The following SACS variants were observed in gnomAD, a reference collection of about 807,000 sequenced individuals.
SACS encodes sacsin.
A neutral mutation model predicts 348.0 loss-of-function variants in SACS; 197 were observed. The ratio of observed to expected loss-of-function variants is 0.57; its 90% CI spans 0.50 to 0.64. The LOEUF (loss-of-function observed/expected upper bound fraction) is 0.64. Ranked by LOEUF, SACS falls within the 30% of genes least tolerant of loss-of-function variation. The probability of loss-of-function intolerance (pLI) is 0.00; values close to 1 mark genes in which losing one functional copy is unlikely to be tolerated. For missense variants in SACS, 4,999 were observed against 5,360.8 expected (o/e 0.93, Z 2.11); for synonymous variants, 1,985 against 1,910.6 (o/e 1.04, Z -1.02).
At chr13:23,386,992 T>C (rs534050940) in intron 2 of SACS, among the ~76,000 whole-genome samples, 2 of 152,270 alleles carry the variant, frequency 1.3e-5, no homozygotes, top group South Asian at 4.1e-4. Flanking sequence ...AGTGACACCA[T>C]AGATTAGTAA....
chr13:23,417,134 G>T (rs1873719660), intron 1 of SACS, among the ~76,000 whole-genome samples: 1 of 152,138 alleles, frequency 6.6e-6, no homozygotes, highest in African/African-American at 2.4e-5. Flanking sequence ...TAATTATAAT[G>T]AAAGAACTTA....
At position 23,390,790 on chromosome 13, in the gene SACS, T is replaced by C. The variant is rs189937470; in HGVS notation, c.21-15521A>G. 2.3e-3 allele frequency among the ~76,000 whole-genome samples: 351 copies of C among 152,364 alleles called. 1 individual carries two copies. Among genetic ancestry groups the C allele is most frequent in the Non-Finnish European group, 3.6e-3 (243 of 68,038 alleles). ...TTTCAGTGAAGGCAGCCATCCCTCGTCGTGTCTAAAGAGCACTGATTCCAG... is the reference window on the plus strand; with the variant it reads ...TTTCAGTGAAGGCAGCCATCCCTCGCCGTGTCTAAAGAGCACTGATTCCAG... On this transcript the variant is annotated intron_variant, in intron 2 of 9. Transcript: ENST00000382292.
At chr13:23,358,562 A>T in intron 6 of SACS, 81 bp from the exon 7 acceptor site, 1 of 1,471,762 alleles carries the variant, frequency 6.8e-7, no homozygotes, top group Admixed American at 1.7e-5. Context: ...CTCTATACAA[A>T]ATCTCTTATT....
chr13:23,419,904 A>C (rs1873852829), intron 1 of SACS, among the ~76,000 whole-genome samples: 1 of 152,208 alleles, frequency 6.6e-6, no homozygotes, highest in Non-Finnish European at 1.5e-5. Context: ...CTAGGGACGC[A>C]GTATCCACCT....
intron 6 of SACS, 93 bp from the exon 7 acceptor site, chr13:23,358,574 G>A (rs1160670624): frequency 1.8e-5 from 25 of 1,387,492 alleles, no homozygotes; most frequent in African/African-American, 2.8e-5. Flanking sequence ...TCTCTTATTC[G>A]AAGGGAAAAT....
chr13:23,379,198 G>T (rs1401066972), intron 2 of SACS, among the ~76,000 whole-genome samples: 1 of 152,220 alleles, frequency 6.6e-6, no homozygotes, highest in East Asian at 1.9e-4. Context: ...TTTCTCACCT[G>T]TACAGCTGGA....
intron 9 of SACS, among the ~76,000 whole-genome samples, chr13:23,351,812 C>G (rs1672975075): frequency 6.6e-6 from 1 of 152,062 alleles, no homozygotes; most frequent in Non-Finnish European, 1.5e-5. Context: ...TTAACAGAAA[C>G]ACTAGATGAA....
intron 4 of SACS, among the ~76,000 whole-genome samples, chr13:23,370,536 C>A (rs1420167111): frequency 6.6e-6 from 1 of 152,162 alleles, no homozygotes; most frequent in Non-Finnish European, 1.5e-5. Flanking sequence ...TATTCATGGG[C>A]CCTGTACTGT....
intron 4 of SACS, among the ~76,000 whole-genome samples, chr13:23,368,900 C>G (rs7982679): frequency 6.6e-6 from 1 of 152,112 alleles, no homozygotes; most frequent in South Asian, 2.1e-4. Flanking sequence ...GGGGTTTCAC[C>G]ATGTTAGCCA....
Position 23,409,040 on chromosome 13 carries a change from C to CTTTTTTTTTTTTTTTTTTTTTTTTTTTT in SACS, c.20+2152_20+2179dup, listed in dbSNP as rs1175897856. Among the ~76,000 whole-genome samples the CTTTTTTTTTTTTTTTTTTTTTTTTTTTT allele has an allele frequency of 4.0e-4, 14 of 35,148 alleles. 5 individuals carry two copies. Among genetic ancestry groups the CTTTTTTTTTTTTTTTTTTTTTTTTTTTT allele is most frequent in the Admixed American group, 1.2e-3 (2 of 1,664 alleles). 23.1% of individuals were successfully genotyped at this position (35,148 alleles called of 152,430 possible). On this transcript the variant is annotated intron_variant, in intron 2 of 9. Coordinates refer to ENST00000382292, the MANE Select transcript of SACS (RefSeq NM_014363.6). ...TATGGTCTTAATAAAACAAGTTTTA[C>CTTTTTTTTTTTTTTTTTTTTTTTTTTTT]TTTTTTTTTTTTTTTTTTTTTTTTT...
chr13:23,371,165 A>G lies in SACS; in HGVS notation c.172T>C (p.Leu58=). The change falls in exon 4 of 10, where the codon TTA becomes CTA. Residue 58 remains leucine, a splice_region_variant and synonymous_variant. Transcript: ENST00000382292. ...TCTCCAATCTTGATCCAGTCAGATAACTGAAAAAAAGCAAAAGAAAATGTA... is the reference window on the plus strand; with the variant it reads ...TCTCCAATCTTGATCCAGTCAGATAGCTGAAAAAAAGCAAAAGAAAATGTA... The part of the protein sequence containing the change: ...EQRLWRGGRE[L]SDWIKIGDLT... The G allele has an allele frequency of 6.2e-7, 1 of 1,602,652 alleles. No individual in the cohort carries two copies. Among genetic ancestry groups the G allele is most frequent in the Non-Finnish European group, 8.5e-7 (1 of 1,171,400 alleles).
At position 23,332,605 on chromosome 13, in the gene SACS, G is replaced by A; in HGVS notation, c.11271C>T (p.Asn3757=). 1.2e-6 allele frequency: 2 copies of A among 1,613,580 alleles called. No individual in the cohort carries two copies. Among genetic ancestry groups the A allele is most frequent in the Non-Finnish European group, 1.7e-6 (2 of 1,179,888 alleles). ...CCATTTCTTCATCCAACGTCGTTATGTTGCATATGTTTCTGCAGTTATTGA... is the reference window on the plus strand; with the variant it reads ...CCATTTCTTCATCCAACGTCGTTATATTGCATATGTTTCTGCAGTTATTGA... ...KVINNCRNIC[N]ITTLDEEMVK... The change falls in exon 10 of 10, where the codon AAC becomes AAT. Residue 3757 remains asparagine, a synonymous_variant. Coordinates refer to ENST00000382292, the MANE Select transcript of SACS (RefSeq NM_014363.6).
At chr13:23,375,646 GC>G (rs1438444480) in intron 2 of SACS, 5 of 793,166 alleles carry the variant, frequency 6.3e-6, no homozygotes, top group African/African-American at 2.2e-5. Context: ...GATCCGCCCC[GC>G]CCCTCCCGCC....
intron 2 of SACS, among the ~76,000 whole-genome samples, chr13:23,398,214 T>A (rs1872787173): frequency 6.7e-6 from 1 of 148,840 alleles, no homozygotes; most frequent in African/African-American, 2.5e-5. Flanking sequence ...AAAATTAAAT[T>A]AAATTTTAAA....
At chr13:23,366,094 C>T (rs1221257876) in intron 5 of SACS, among the ~76,000 whole-genome samples, 1 of 152,114 alleles carries the variant, frequency 6.6e-6, no homozygotes, top group African/African-American at 2.4e-5. Flanking sequence ...CCATGATCAT[C>T]AAAAGAGCTT....
chr13:23,331,190 A>G lies in SACS; in HGVS notation c.12686T>C (p.Ile4229Thr), dbSNP rs770368952. The change falls in exon 10 of 10, where the codon ATT becomes ACT. Residue 4229 changes from isoleucine to threonine, a missense_variant. This residue lies in a region of SACS where 831 missense variants were observed against 941.8 expected (regional missense o/e 0.88). Transcript: ENST00000382292. ...AACTATTTTATATTCACTATAACCAATATCTATCTGATATATCTTTCCTAG... is the reference window on the plus strand; with the variant it reads ...AACTATTTTATATTCACTATAACCAGTATCTATCTGATATATCTTTCCTAG... ...SFLGKIYQID[I>T]GYSEYKIVSS... 1.2e-6 allele frequency: 2 copies of G among 1,613,538 alleles called. No individual in the cohort carries two copies. Among genetic ancestry groups the G allele is most frequent in the African/African-American group, 1.3e-5 (1 of 74,902 alleles).
At chr13:23,412,030 C>A (rs1251071813) in intron 1 of SACS, among the ~76,000 whole-genome samples, 1 of 152,170 alleles carries the variant, frequency 6.6e-6, no homozygotes, top group Non-Finnish European at 1.5e-5. Context: ...GAGGCAGAGG[C>A]GCGCAGGTCA....
chr13:23,401,718 C>T (rs1872985166), intron 2 of SACS, among the ~76,000 whole-genome samples: 1 of 152,212 alleles, frequency 6.6e-6, no homozygotes, highest in Non-Finnish European at 1.5e-5. Flanking sequence ...TTTTGTTTTA[C>T]TTTCTACTGT....
intron 2 of SACS, among the ~76,000 whole-genome samples, chr13:23,409,578 C>A (rs1873401349): frequency 6.6e-6 from 1 of 151,588 alleles, no homozygotes; most frequent in Non-Finnish European, 1.5e-5. Context: ...GAACTCCTGA[C>A]CTCAGCCTCC....
Sources: gnomAD v4.1 joint callset for allele counts (sites outside exome capture counted in the v4.1 genomes callset) on GRCh38, gnomAD v4.1.1 for gene constraint, gnomAD v4.1.1 regional missense constraint, MANE v1.5 for transcripts, NCBI Gene and HGNC (gene_info 2026-07-23, HGNC 2026-07-21) for gene names.